Variants in VAPA observed in about 807,000 individuals in gnomAD.
The protein encoded by VAPA is VAMP associated protein A, also known as vesicle-associated membrane protein-associated protein A.
In VAPA, 6 loss-of-function variants were observed where a neutral mutation model predicts 25.6. The observed-to-expected ratio is 0.23, with a 90% CI of 0.13 to 0.46. The LOEUF (loss-of-function observed/expected upper bound fraction) is 0.46. Among genes scored for constraint, VAPA ranks in the 20% least tolerant of loss-of-function variants. VAPA has a pLI of 0.99. For missense variants in VAPA, 244 were observed against 302.1 expected, an observed-to-expected ratio of 0.81 and a Z score of 1.43; for synonymous variants, 112 against 106.2, an observed-to-expected ratio of 1.05 and a Z score of -0.34.
At chr18:9,939,518 CTT>C (rs77169950) in intron 4 of VAPA, among the ~76,000 whole-genome samples, 31,542 of 132,976 alleles carry the variant, frequency 0.24, 3,996 homozygotes, top group Middle Eastern at 0.33. Context: ...CGTTTCCTCT[CTT>C]TTTTTTTTTT....
rs963209682 is a variant in VAPA, at chr18:9,936,098, T to C, written c.233-12T>C. ...AGGAGACAATATAATATATCCTTTT[T>C]TTCTTATTTAGTAATGCTACAGCCC... On this transcript the variant is annotated splice_polypyrimidine_tract_variant and intron_variant, in intron 2 of 5. Transcript: ENST00000400000. 6.4e-7 allele frequency: 1 copy of C among 1,572,926 alleles called. No individual in the cohort carries two copies. Among genetic ancestry groups the C allele is most frequent in the African/African-American group, 1.4e-5 (1 of 73,436 alleles).
chr18:9,929,822 A>G (rs557256532), intron 1 of VAPA, among the ~76,000 whole-genome samples: 44 of 152,308 alleles, frequency 2.9e-4, no homozygotes, highest in African/African-American at 1.0e-3. Context: ...TGGGTTTATT[A>G]TAGATAATTC....
intron 2 of VAPA, among the ~76,000 whole-genome samples, chr18:9,934,874 C>A (rs1030288366): frequency 6.6e-6 from 1 of 152,020 alleles, no homozygotes; most frequent in Non-Finnish European, 1.5e-5. Flanking sequence ...ACGGGCGGAT[C>A]TTGAGGTCAG....
At position 9,957,370 on chromosome 18, in the gene VAPA, A is replaced by G. The variant is rs1421377507; in HGVS notation, c.*3159A>G. 3 of 152,170 alleles carry G rather than the reference A, an allele frequency of 2.0e-5. No individual in the cohort carries two copies. Among genetic ancestry groups the G allele is most frequent in the Non-Finnish European group, 4.4e-5 (3 of 68,038 alleles). 9.4% of individuals were successfully genotyped at this position (152,170 alleles called of 1,614,324 possible). On this transcript the variant is annotated 3_prime_UTR_variant, in exon 6 of 6. Coordinates refer to ENST00000400000, the MANE Select transcript of VAPA (RefSeq NM_194434.3). ...ACTTAGATGTTCACCTAAAGTTGAT[A>G]TTATTTGGTATGGGAATTACTTTTG...
chr18:9,931,737 T>G (rs2143339993), intron 1 of VAPA, 73 bp from the exon 2 acceptor site: 1 of 1,318,170 alleles, frequency 7.6e-7, no homozygotes, highest in South Asian at 1.5e-5. Flanking sequence ...GGTTATATAT[T>G]TTCAGTTTTG....
Position 9,931,938 on chromosome 18 carries a change from C to A in VAPA, c.208C>A (p.Pro70Thr). The A allele has an allele frequency of 6.2e-7, 1 of 1,606,442 alleles. No homozygotes were observed. Among genetic ancestry groups the A allele is most frequent in the Non-Finnish European group, 8.5e-7 (1 of 1,176,390 alleles). The change falls in exon 2 of 6, where the codon CCA becomes ACA. Residue 70 changes from proline to threonine, a missense_variant. Physicochemically the swap from Pro to Thr is conservative, Grantham distance 38. Transcript: ENST00000400000. ...CVRPNSGIID[P>T]GSTVTVSVML... ...GAGGCCCAACAGTGGAATTATTGACCCAGGGTCAACTGTGACTGTTTCAGG... is the reference window on the plus strand; with the variant it reads ...GAGGCCCAACAGTGGAATTATTGACACAGGGTCAACTGTGACTGTTTCAGG...
chr18:9,923,050 G>A (rs1016685189), intron 1 of VAPA, among the ~76,000 whole-genome samples: 1 of 152,086 alleles, frequency 6.6e-6, no homozygotes, highest in Non-Finnish European at 1.5e-5. Flanking sequence ...TTTATAAAAA[G>A]TCTAAACTAG....
intron 1 of VAPA, among the ~76,000 whole-genome samples, chr18:9,922,120 G>T (rs1335734531): frequency 6.6e-6 from 1 of 152,034 alleles, no homozygotes; most frequent in Non-Finnish European, 1.5e-5. Context: ...GCATGCCACT[G>T]TGCCCAGCTA....
chr18:9,954,236 CTTT>C lies in VAPA; in HGVS notation c.*36_*38del. 3.1e-5 allele frequency: 41 copies of C among 1,343,058 alleles called. No individual in the cohort carries two copies. The highest frequency in any genetic ancestry group is 2.8e-5 in the Non-Finnish European group (28 of 991,144). 83.2% of individuals were successfully genotyped at this position (1,343,058 alleles called of 1,614,324 possible). ...GAGTGAAGCATGCAGAGTGCTGTTT[CTTT>C]TTTTTTTTTTCTCTTGACCAGAAAA... On this transcript the variant is annotated 3_prime_UTR_variant, in exon 6 of 6. Transcript: ENST00000400000.
chr18:9,922,585 C>T (rs903999742), intron 1 of VAPA, among the ~76,000 whole-genome samples: 2 of 152,022 alleles, frequency 1.3e-5, no homozygotes, highest in African/African-American at 4.8e-5. Flanking sequence ...ACTGACCAGT[C>T]AAAATTTTGA....
chr18:9,958,138 A>C lies in VAPA; in HGVS notation c.*3927A>C, dbSNP rs1455059421. The C allele has an allele frequency of 6.6e-6, 1 of 152,238 alleles. No individual in the cohort carries two copies. The highest frequency in any genetic ancestry group is 1.5e-5 in the Non-Finnish European group (1 of 68,040). 9.4% of individuals were successfully genotyped at this position (152,238 alleles called of 1,614,324 possible). A position where few individuals can be genotyped will look rare whatever the true frequency, so the allele number is the denominator to read the frequency against. ...GGAACATTTCATTCATTTCCCTGTAATATTAATGTTCTTTAAGCATAATCA... is the reference window on the plus strand; with the variant it reads ...GGAACATTTCATTCATTTCCCTGTACTATTAATGTTCTTTAAGCATAATCA... On this transcript the variant is annotated 3_prime_UTR_variant, in exon 6 of 6. Coordinates refer to ENST00000400000, the MANE Select transcript of VAPA (RefSeq NM_194434.3).
At chr18:9,952,013 A>G (rs1364166535) in intron 5 of VAPA, among the ~76,000 whole-genome samples, 1 of 152,164 alleles carries the variant, frequency 6.6e-6, no homozygotes. Context: ...ATCTGCCATG[A>G]CTTCCATAGT....
At chr18:9,947,425 C>T (rs1260748429) in intron 4 of VAPA, among the ~76,000 whole-genome samples, 1 of 152,146 alleles carries the variant, frequency 6.6e-6, no homozygotes, top group African/African-American at 2.4e-5. Context: ...TGTATGGGAA[C>T]ACTATCATAT....
chr18:9,931,509 A>T (rs1023477489), intron 1 of VAPA, among the ~76,000 whole-genome samples: 11 of 152,222 alleles, frequency 7.2e-5, no homozygotes, highest in African/African-American at 2.7e-4. Flanking sequence ...ACGTATTAAC[A>T]ACATACTGTA....
At chr18:9,950,077 A>T in intron 4 of VAPA, 2 of 238,224 alleles carry the variant, frequency 8.4e-6, no homozygotes, top group South Asian at 1.1e-4. Flanking sequence ...ACTACTCTTG[A>T]CCAAAGTGCT....
rs2069532939 is a variant in VAPA, at chr18:9,955,062, G to GAA, written c.*852_*853dup. 6.6e-6 allele frequency: 1 copy of GAA among 152,178 alleles called. No homozygotes were observed. The highest frequency in any genetic ancestry group is 2.1e-4 in the South Asian group (1 of 4,830). The allele number at this position is 152,178 out of a possible 1,614,324, so 9.4% of individuals were successfully genotyped here. ...ATAGAAAATAAGGTCCATGAGAATAGAAGTTATGTGATTTCAGTGAGTTGA... is the reference window on the plus strand; with the variant it reads ...ATAGAAAATAAGGTCCATGAGAATAGAAAAGTTATGTGATTTCAGTGAGTTGA... On this transcript the variant is annotated 3_prime_UTR_variant, in exon 6 of 6. Coordinates refer to ENST00000400000, the MANE Select transcript of VAPA (RefSeq NM_194434.3).
intron 4 of VAPA, chr18:9,948,351 A>G (rs1235227216): frequency 6.6e-6 from 1 of 152,184 alleles, no homozygotes; most frequent in Admixed American, 6.5e-5. Flanking sequence ...GAAATGTTTA[A>G]TTTTGGCAAG....
intron 1 of VAPA, among the ~76,000 whole-genome samples, chr18:9,927,673 G>A (rs1454946441): frequency 6.6e-6 from 1 of 152,094 alleles, no homozygotes; most frequent in Non-Finnish European, 1.5e-5. Context: ...AGTCTCACTT[G>A]ACTGACTTTT....
intron 4 of VAPA, among the ~76,000 whole-genome samples, chr18:9,940,371 T>G (rs1397372347): frequency 6.6e-6 from 1 of 152,088 alleles, no homozygotes; most frequent in Non-Finnish European, 1.5e-5. Flanking sequence ...CAGGGCCATT[T>G]CAGTGGGAGA....
Sources: gnomAD v4.1 joint callset for allele counts (sites outside exome capture counted in the v4.1 genomes callset) on GRCh38, gnomAD v4.1.1 for gene constraint, MANE v1.5 for transcripts, NCBI Gene and HGNC (gene_info 2026-07-23, HGNC 2026-07-21) for gene names.